Variants in PARD3B observed in about 807,000 individuals in gnomAD.
PARD3B encodes par-3 family cell polarity regulator beta, also known as partitioning defective 3 homolog B.
PARD3B carries 103 observed loss-of-function variants against 130.2 expected under a neutral mutation model. The ratio of observed to expected loss-of-function variants is 0.79; its 90% confidence interval spans 0.67 to 0.93. The LOEUF (loss-of-function observed/expected upper bound fraction) is 0.93. Among genes scored for constraint, PARD3B ranks in the 40% least tolerant of loss-of-function variants. The pLI is 0.00. For missense variants in PARD3B, 1,609 were observed against 1,499.2 expected, an observed-to-expected ratio of 1.07 and a Z score of -1.21; for synonymous variants, 583 against 553.2, an observed-to-expected ratio of 1.05 and a Z score of -0.76.
chr2:204,807,377 G>A (rs984271818), intron 2 of PARD3B, among the ~76,000 whole-genome samples: 19 of 152,136 alleles, frequency 1.2e-4, no homozygotes, highest in East Asian at 9.6e-4. Context: ...AAAGGGGAAC[G>A]TTTATACACT....
At chr2:205,457,390 C>T (rs186654424) in intron 20 of PARD3B, among the ~76,000 whole-genome samples, 1 of 151,816 alleles carries the variant, frequency 6.6e-6, no homozygotes, top group Non-Finnish European at 1.5e-5. Flanking sequence ...TTTATTTTCT[C>T]CTTTTTTTGT....
At chr2:204,554,930 C>T (rs757828262) in intron 1 of PARD3B, among the ~76,000 whole-genome samples, 5 of 152,198 alleles carry the variant, frequency 3.3e-5, no homozygotes, top group South Asian at 4.1e-4. Flanking sequence ...ATTCCCTTAT[C>T]GGAATGGCTC....
At chr2:205,554,075 CAAAG>C (rs2052770972) in intron 22 of PARD3B, among the ~76,000 whole-genome samples, 2 of 152,140 alleles carry the variant, frequency 1.3e-5, no homozygotes, top group Non-Finnish European at 2.9e-5. Flanking sequence ...TAGCACATGA[CAAAG>C]AAACAGCTTT....
chr2:205,095,520 T>A (rs1271451153), intron 4 of PARD3B, among the ~76,000 whole-genome samples: 1 of 152,130 alleles, frequency 6.6e-6, no homozygotes, highest in Non-Finnish European at 1.5e-5. Flanking sequence ...GTGTTAGCCT[T>A]ATGTTGAAAG....
intron 4 of PARD3B, among the ~76,000 whole-genome samples, chr2:205,065,138 A>G (rs747662629): frequency 6.6e-6 from 1 of 152,238 alleles, no homozygotes; most frequent in Admixed American, 6.5e-5. Flanking sequence ...AGGCACAGGA[A>G]GATGAGGTCA....
chr2:205,572,397 T>C lies in PARD3B; in HGVS notation c.3260+18994T>C, dbSNP rs899006807. On this transcript the variant is annotated intron_variant, in intron 22 of 22. Transcript: ENST00000406610. The surrounding 1 kb of genome is among the most constrained non-coding windows in gnomAD (Gnocchi z 4.2). ...TGAAGGTGTTTAAAGAAAGAAATGG[T>C]TTAATCAGATTTGCACTGTAGAGAA... Among the ~76,000 whole-genome samples the C allele has an allele frequency of 2.5e-4, 38 of 152,148 alleles. No individual in the cohort carries two copies. The highest frequency in any genetic ancestry group is 8.9e-4 in the African/African-American group (37 of 41,410).
chr2:205,391,777 T>C (rs994973922), intron 18 of PARD3B, among the ~76,000 whole-genome samples: 2 of 152,218 alleles, frequency 1.3e-5, no homozygotes. Context: ...TCATACCTTA[T>C]TAGTATCTTT....
chr2:204,714,737 G>C (rs1012415877), intron 2 of PARD3B, among the ~76,000 whole-genome samples: 1 of 152,132 alleles, frequency 6.6e-6, no homozygotes, highest in African/African-American at 2.4e-5. Context: ...TTAAAGCTCT[G>C]ATAACTTCAT....
intron 1 of PARD3B, among the ~76,000 whole-genome samples, chr2:204,631,044 G>C (rs1167873388): frequency 6.6e-6 from 1 of 152,136 alleles, no homozygotes; most frequent in African/African-American, 2.4e-5. Flanking sequence ...TGTGATGTTA[G>C]CTTGTCAACT....
intron 1 of PARD3B, among the ~76,000 whole-genome samples, chr2:204,626,400 T>C (rs1237171548): frequency 6.6e-6 from 1 of 152,220 alleles, no homozygotes; most frequent in Non-Finnish European, 1.5e-5. Context: ...GCAGTGTAGC[T>C]GCTTTCACAT....
At chr2:205,000,382 GA>G (rs927005181) in intron 3 of PARD3B, among the ~76,000 whole-genome samples, 17 of 152,094 alleles carry the variant, frequency 1.1e-4, no homozygotes, top group African/African-American at 4.1e-4. Context: ...GTGGTTGGGG[GA>G]CGAGATAAGG....
intron 20 of PARD3B, among the ~76,000 whole-genome samples, chr2:205,483,695 T>C (rs563468982): frequency 6.6e-6 from 1 of 152,274 alleles, no homozygotes; most frequent in East Asian, 1.9e-4. Flanking sequence ...TTTCAAGTTA[T>C]AAATTTAGAA....
At chr2:205,022,689 A>G (rs1377745795) in intron 3 of PARD3B, among the ~76,000 whole-genome samples, 1 of 152,202 alleles carries the variant, frequency 6.6e-6, no homozygotes, top group African/African-American at 2.4e-5. Context: ...CTCAAGAATT[A>G]GGTGAAAGTT....
At chr2:204,855,504 T>A (rs943772360) in intron 2 of PARD3B, among the ~76,000 whole-genome samples, 4 of 150,744 alleles carry the variant, frequency 2.7e-5, no homozygotes, top group Non-Finnish European at 4.4e-5. Context: ...ATTTTGCCAC[T>A]GCACTCCAGC....
At chr2:204,600,046 A>G (rs972124339) in intron 1 of PARD3B, among the ~76,000 whole-genome samples, 3 of 150,954 alleles carry the variant, frequency 2.0e-5, no homozygotes, top group Non-Finnish European at 4.4e-5. Flanking sequence ...TTTTTTTGCT[A>G]TTGAGCTCTT....
rs184667826 is a variant in PARD3B, at chr2:204,988,261, G to C, written c.394+22938G>C. 7.9e-5 allele frequency among the ~76,000 whole-genome samples: 12 copies of C among 152,308 alleles called. No homozygotes were observed. In the East Asian group the frequency reaches 2.3e-3, roughly 29 times the overall value. ...CCTACATGAAGAATAAATGGTGTCT[G>C]TATTTTCTCAGACAATGAATTTGTT... On this transcript the variant is annotated intron_variant, in intron 3 of 22. Coordinates refer to ENST00000406610, the MANE Select transcript of PARD3B (RefSeq NM_001302769.2).
intron 1 of PARD3B, among the ~76,000 whole-genome samples, chr2:204,670,659 G>A (rs572279043): frequency 1.2e-4 from 19 of 152,148 alleles, no homozygotes; most frequent in East Asian, 5.8e-4. Context: ...CAAGCTATAC[G>A]TTTTTTTCTC....
At chr2:204,968,396 T>C (rs1177449351) in intron 3 of PARD3B, among the ~76,000 whole-genome samples, 1 of 152,216 alleles carries the variant, frequency 6.6e-6, no homozygotes, top group Non-Finnish European at 1.5e-5. Context: ...ATGTAATGCA[T>C]ACAGAGGTTG....
chr2:204,615,045 A>G (rs1411221483), intron 1 of PARD3B, among the ~76,000 whole-genome samples: 1 of 152,164 alleles, frequency 6.6e-6, no homozygotes, highest in African/African-American at 2.4e-5. Flanking sequence ...ATTTTTGCAG[A>G]TCTTAATGTT....
Sources: gnomAD v4.1 joint callset for allele counts (sites outside exome capture counted in the v4.1 genomes callset) on GRCh38, gnomAD v4.1.1 for gene constraint, Gnocchi (gnomAD v3.1) non-coding constraint, MANE v1.5 for transcripts, NCBI Gene and HGNC (gene_info 2026-07-23, HGNC 2026-07-21) for gene names.